Variants in SLC12A1 observed in about 807,000 individuals in gnomAD.
The protein encoded by SLC12A1 is solute carrier family 12 member 1.
A neutral mutation model predicts 130.4 loss-of-function variants in SLC12A1; 89 were observed. The ratio of observed to expected loss-of-function variants is 0.68; its 90% CI spans 0.58 to 0.81. The LOEUF (loss-of-function observed/expected upper bound fraction) is 0.81, where lower values mean the gene tolerates loss of function less well. SLC12A1 is among the 40% of genes least tolerant of loss of function. The pLI is 0.00. For synonymous variants in SLC12A1, 499 were observed against 460.0 expected (o/e 1.08, Z -1.09); for missense variants, 1,310 against 1,336.4 (o/e 0.98, Z 0.31).
chr15:48,294,433 T>A (rs1364342485), intron 24 of SLC12A1, among the ~76,000 whole-genome samples: 1 of 152,130 alleles, frequency 6.6e-6, no homozygotes, highest in Non-Finnish European at 1.5e-5. Context: ...TTAAACTGAT[T>A]ATTACTTTGT....
rs2041200714 is a variant in SLC12A1, at chr15:48,220,681, TG to T, written c.471del (p.Ile158TyrfsTer18). 6.2e-7 allele frequency: 1 copy of T among 1,613,752 alleles called. No individual in the cohort carries two copies. Among genetic ancestry groups the T allele is most frequent in the Non-Finnish European group, 8.5e-7 (1 of 1,179,750 alleles). On this transcript the variant is annotated frameshift_variant, in exon 3 of 27. Coordinates refer to ENST00000380993, the MANE Select transcript of SLC12A1 (RefSeq NM_000338.3). LOFTEE classifies it high-confidence loss of function. ...SSADRVANGD[G>X]IPGDEQAENK... ...CAGCTGACAGAGTTGCTAACGGTGA[TG>T]GGATACCTGGAGATGAACAAGCTGA... is the stretch of plus-strand genomic sequence containing the variant.
intron 15 of SLC12A1, among the ~76,000 whole-genome samples, chr15:48,254,747 C>A (rs749853106): frequency 6.6e-6 from 1 of 151,556 alleles, no homozygotes; most frequent in Non-Finnish European, 1.5e-5. Context: ...CGGTGAAACT[C>A]CGTCTCTACT....
rs75641895 is a variant in SLC12A1, at chr15:48,242,320, C to T, written c.1300+721C>T. On this transcript the variant is annotated intron_variant, in intron 10 of 26. Transcript: ENST00000380993. The stretch of plus-strand genomic sequence containing the variant: ...GAAGAAAACCATCTTCTATGTACAA[C>T]AGGGAAAACAGCTCCAGGCTGGACC... Among the ~76,000 whole-genome samples the T allele has an allele frequency of 9.5e-3, 1,442 of 152,282 alleles. 22 individuals are homozygous for T. The highest frequency in any genetic ancestry group is 0.089 in the East Asian group (460 of 5,172).
At chr15:48,218,276 C>T (rs2041151302) in intron 2 of SLC12A1, among the ~76,000 whole-genome samples, 1 of 152,126 alleles carries the variant, frequency 6.6e-6, no homozygotes, top group South Asian at 2.1e-4. Flanking sequence ...TATTATGCTG[C>T]TTATCCAAGT....
At position 48,259,285 on chromosome 15, in the gene SLC12A1, C is replaced by A; in HGVS notation, c.2128C>A (p.Leu710Ile). The change falls in exon 17 of 27, where the codon CTT (leucine) becomes ATT (isoleucine). Residue 710 changes from leucine (L) to isoleucine (I), a missense_variant. Leu to Ile is a conservative substitution (Grantham distance 5). Coordinates refer to ENST00000380993, the MANE Select transcript of SLC12A1 (RefSeq NM_000338.3). Reference protein sequence around the residue: ...ITHAFTKNSGLCICCEVFVGP... With the variant: ...ITHAFTKNSGICICCEVFVGP... Reference sequence around the variant, plus strand: ...TCACGCCTTTACCAAGAACAGTGGCCTTTGCATCTGCTGTGAAGTCTTTGT... The same window carrying A: ...TCACGCCTTTACCAAGAACAGTGGCATTTGCATCTGCTGTGAAGTCTTTGT... 1 of 1,613,282 alleles carries A rather than the reference C, an allele frequency of 6.2e-7. No homozygotes were observed. Among genetic ancestry groups the A allele is most frequent in the Non-Finnish European group, 8.5e-7 (1 of 1,179,248 alleles).
In SLC12A1 at chr15:48,259,252, G is replaced by A. The variant is rs528775721; in HGVS notation, c.2095G>A (p.Asp699Asn). The A allele has an allele frequency of 3.9e-4, 630 of 1,613,862 alleles. 3 individuals are homozygous for A. The South Asian group carries it at 6.3e-3, about 16-fold the overall frequency. ...ACCCATGACAAGACCTGCTCTCCTG[G>A]ACATAACTCACGCCTTTACCAAGAA... The part of the protein sequence containing the change: ...GGPMTRPALL[D>N]ITHAFTKNSG... Residue 699 changes from aspartate (D) to asparagine (N), a missense_variant, in exon 17 of 27, where the codon GAC becomes AAC. Physicochemically the swap from Asp to Asn is conservative, Grantham distance 23 (BLOSUM62 1). Transcript: ENST00000380993.
intron 7 of SLC12A1, 61 bp from the exon 8 acceptor site, chr15:48,232,666 T>C (rs767303701): frequency 3.0e-5 from 31 of 1,049,220 alleles, no homozygotes; most frequent in Non-Finnish European, 4.4e-5. Flanking sequence ...CTAACTTTTA[T>C]AATTATGTAA....
chr15:48,276,264 A>C (rs2041952307), intron 20 of SLC12A1, among the ~76,000 whole-genome samples: 1 of 152,198 alleles, frequency 6.6e-6, no homozygotes, highest in African/African-American at 2.4e-5. Flanking sequence ...TCTAATAGGC[A>C]GTTAGACAGT....
At position 48,249,673 on chromosome 15, in the gene SLC12A1, C is replaced by G; in HGVS notation, c.1783C>G (p.Pro595Ala). ...CTTCCATGCCTCTTATGCCAAATCTCCAGGTAAGCTGACTTCCAAACTAAA... is the reference window on the plus strand; with the variant it reads ...CTTCCATGCCTCTTATGCCAAATCTGCAGGTAAGCTGACTTCCAAACTAAA... ...SCFHASYAKS[P>A]GWRPAYGIYN... Residue 595 changes from proline (P) to alanine (A), a missense_variant, in exon 14 of 27, where the codon CCA becomes GCA. By Grantham distance (27) the Pro-to-Ala change is conservative. Coordinates refer to ENST00000380993, the MANE Select transcript of SLC12A1 (RefSeq NM_000338.3). The G allele has an allele frequency of 6.2e-7, 1 of 1,609,958 alleles. No homozygotes were observed. Among genetic ancestry groups the G allele is most frequent in the Non-Finnish European group, 8.5e-7 (1 of 1,176,254 alleles).
At chr15:48,297,729 TACTC>T (rs1270434473) in intron 24 of SLC12A1, among the ~76,000 whole-genome samples, 2 of 152,172 alleles carry the variant, frequency 1.3e-5, no homozygotes, top group Admixed American at 6.5e-5. Context: ...GTCACCCAAA[TACTC>T]ACAGTGACTC....
Position 48,247,283 on chromosome 15 carries a change from A to G in SLC12A1, c.1561-54A>G, listed in dbSNP as rs754278633. On this transcript the variant is annotated intron_variant, in intron 12 of 26. Coordinates refer to ENST00000380993, the MANE Select transcript of SLC12A1 (RefSeq NM_000338.3). ...ATCTTCTTGTTTGAATCACCTAGAG[A>G]AAATGACTGTGCATAGCTATAAATG... The G allele has an allele frequency of 5.1e-5, 79 of 1,562,938 alleles. No homozygotes were observed. In the Middle Eastern group the frequency reaches 1.9e-3, roughly 37 times the overall value.
intron 25 of SLC12A1, 21 bp downstream of exon 25, chr15:48,299,296 A>AT: frequency 3.2e-6 from 5 of 1,556,598 alleles, no homozygotes; most frequent in Non-Finnish European, 4.3e-6. Context: ...GTCTTTCTTA[A>AT]TTTTTTTGCT....
intron 24 of SLC12A1, among the ~76,000 whole-genome samples, chr15:48,295,861 T>C (rs1264237847): frequency 6.6e-6 from 1 of 152,222 alleles, no homozygotes; most frequent in African/African-American, 2.4e-5. Flanking sequence ...CCATATCTGA[T>C]GTTGGCAATG....
At chr15:48,222,841 G>A (rs1161802889) in intron 4 of SLC12A1, 3 of 152,172 alleles carry the variant, frequency 2.0e-5, no homozygotes, top group African/African-American at 7.2e-5. Flanking sequence ...CAGACCCTGG[G>A]AATAGAGCCA....
Position 48,288,025 on chromosome 15 carries a change from A to T in SLC12A1, c.2630-18A>T. 1.2e-6 allele frequency: 2 copies of T among 1,605,382 alleles called. No individual in the cohort carries two copies. The highest frequency in any genetic ancestry group is 1.7e-6 in the Non-Finnish European group (2 of 1,175,758). ...CCCTCAAAAGCAAACAGATGCATCA[A>T]TTCCTCTTTCGTTTCAGATGGCAGC... On this transcript the variant is annotated intron_variant, in intron 21 of 26. Coordinates refer to ENST00000380993, the MANE Select transcript of SLC12A1 (RefSeq NM_000338.3).
At chr15:48,283,048 ACCC>A (rs2042023829) in intron 20 of SLC12A1, among the ~76,000 whole-genome samples, 1 of 152,182 alleles carries the variant, frequency 6.6e-6, no homozygotes, top group African/African-American at 2.4e-5. Context: ...AGTCCCTGGC[ACCC>A]AAAGAGTGTG....
At chr15:48,281,669 G>T (rs955621483) in intron 20 of SLC12A1, among the ~76,000 whole-genome samples, 32 of 152,090 alleles carry the variant, frequency 2.1e-4, no homozygotes, top group African/African-American at 7.7e-4. Context: ...AAAATGGGGA[G>T]AATAATACCA....
At chr15:48,297,128 T>A (rs1352916654) in intron 24 of SLC12A1, among the ~76,000 whole-genome samples, 1 of 151,998 alleles carries the variant, frequency 6.6e-6, no homozygotes, top group African/African-American at 2.4e-5. Context: ...CTCCCTACTT[T>A]ACTTTTTTTT....
At chr15:48,247,250 T>G in intron 12 of SLC12A1, 87 bp from the exon 13 acceptor site, 1 of 1,384,782 alleles carries the variant, frequency 7.2e-7, no homozygotes, top group Non-Finnish European at 9.9e-7. Flanking sequence ...CACTTAATCT[T>G]TCCCCAAATC....
Sources: gnomAD v4.1 joint callset for allele counts (sites outside exome capture counted in the v4.1 genomes callset) on GRCh38, gnomAD v4.1.1 for gene constraint, MANE v1.5 for transcripts, NCBI Gene and HGNC (gene_info 2026-07-23, HGNC 2026-07-21) for gene names.